The following GPC5 variants were observed in gnomAD, a reference collection of about 807,000 sequenced individuals.
The protein encoded by GPC5 is glypican-5.
In GPC5, 47 loss-of-function variants were observed where a neutral mutation model predicts 53.9. The observed-to-expected ratio is 0.87, with a 90% CI of 0.69 to 1.11. The LOEUF (loss-of-function observed/expected upper bound fraction) is 1.11. Ranked by LOEUF, GPC5 falls within the 50% of genes most tolerant of loss-of-function variation. The pLI, the probability that GPC5 is intolerant of heterozygous loss-of-function variation, is 0.00. For synonymous variants in GPC5, 286 were observed against 263.3 expected (o/e 1.09, Z -0.84); for missense variants, 748 against 713.1 (o/e 1.05, Z -0.56).
chr13:91,636,827 G>A (rs1253452111), intron 2 of GPC5, among the ~76,000 whole-genome samples: 1 of 152,094 alleles, frequency 6.6e-6, no homozygotes, highest in Non-Finnish European at 1.5e-5. Flanking sequence ...GCATGGTGGT[G>A]CGTGCCTGTA....
intron 7 of GPC5, among the ~76,000 whole-genome samples, chr13:92,661,270 G>T (rs1886332868): frequency 1.3e-5 from 2 of 151,332 alleles, no homozygotes; most frequent in Admixed American, 1.3e-4. Context: ...CTCTAACCTG[G>T]GCAACAGAAT....
intron 5 of GPC5, among the ~76,000 whole-genome samples, chr13:91,764,086 A>T (rs1419045232): frequency 6.6e-6 from 1 of 152,112 alleles, no homozygotes; most frequent in Non-Finnish European, 1.5e-5. Context: ...GAATCCTTGA[A>T]CACAGTTGAA....
At chr13:91,557,557 A>G (rs533003932) in intron 2 of GPC5, among the ~76,000 whole-genome samples, 1 of 152,224 alleles carries the variant, frequency 6.6e-6, no homozygotes, top group South Asian at 2.1e-4. Context: ...TGTTCAGGTG[A>G]CAGAGCAGAG....
intron 7 of GPC5, among the ~76,000 whole-genome samples, chr13:92,804,684 A>G (rs1197238057): frequency 6.6e-6 from 1 of 152,018 alleles, no homozygotes; most frequent in Non-Finnish European, 1.5e-5. Flanking sequence ...TGAGACAACA[A>G]TGAAGTCTGC....
intron 7 of GPC5, among the ~76,000 whole-genome samples, chr13:92,496,828 C>T (rs902657338): frequency 6.6e-6 from 1 of 152,108 alleles, no homozygotes; most frequent in African/African-American, 2.4e-5. Context: ...ATCTGATATC[C>T]CTTTGTTACT....
At chr13:92,283,973 A>G (rs1481028653) in intron 7 of GPC5, among the ~76,000 whole-genome samples, 2 of 152,208 alleles carry the variant, frequency 1.3e-5, no homozygotes, top group African/African-American at 4.8e-5. Flanking sequence ...TGAAAAGATC[A>G]ACAAAATTGA....
chr13:92,470,656 C>T (rs764650422), intron 7 of GPC5, among the ~76,000 whole-genome samples: 1 of 152,132 alleles, frequency 6.6e-6, no homozygotes, highest in African/African-American at 2.4e-5. Flanking sequence ...TGAGCAGTAG[C>T]TTTCTCATTG....
chr13:92,377,505 A>G (rs4771858), intron 7 of GPC5, among the ~76,000 whole-genome samples: 80,767 of 151,962 alleles, frequency 0.53, 21,650 homozygotes, highest in East Asian at 0.55. Context: ...TTTATTTTCA[A>G]TTGTTCAGCT....
At chr13:91,751,414 A>C (rs1212381838) in intron 4 of GPC5, among the ~76,000 whole-genome samples, 1 of 152,192 alleles carries the variant, frequency 6.6e-6, no homozygotes, top group African/African-American at 2.4e-5. Flanking sequence ...GAACAATAAC[A>C]TTGTGTTTCT....
At chr13:91,531,733 C>G (rs555340583) in intron 2 of GPC5, among the ~76,000 whole-genome samples, 60 of 152,236 alleles carry the variant, frequency 3.9e-4, no homozygotes, top group South Asian at 2.3e-3. Flanking sequence ...GAGAAGTGTA[C>G]TCTAAATAGG....
chr13:92,294,126 T>C (rs1290397288), intron 7 of GPC5, among the ~76,000 whole-genome samples: 1 of 152,324 alleles, frequency 6.6e-6, no homozygotes, highest in East Asian at 1.9e-4. Context: ...GCATCTGTGT[T>C]CATCAGGGAT....
intron 7 of GPC5, among the ~76,000 whole-genome samples, chr13:92,752,322 G>T (rs1163710788): frequency 6.6e-6 from 1 of 152,228 alleles, no homozygotes; most frequent in African/African-American, 2.4e-5. Context: ...GGGACAAAAT[G>T]CTCTGGTCCT....
At chr13:92,008,520 GTGTT>G (rs1378390714) in intron 6 of GPC5, among the ~76,000 whole-genome samples, 4 of 151,376 alleles carry the variant, frequency 2.6e-5, no homozygotes, top group East Asian at 1.9e-4. Context: ...CATTCTTTCA[GTGTT>G]TGTTTGACTA....
Position 92,139,761 on chromosome 13 carries a change from G to A in GPC5, c.1402-5069G>A, listed in dbSNP as rs887007246. Among the ~76,000 whole-genome samples, 3 of 151,290 alleles carry A rather than the reference G, an allele frequency of 2.0e-5. No homozygotes were observed. The East Asian group carries it at 5.8e-4, about 29-fold the overall frequency. On this transcript the variant is annotated intron_variant, in intron 6 of 7. Coordinates refer to ENST00000377067, the MANE Select transcript of GPC5 (RefSeq NM_004466.6). Reference sequence around the variant, plus strand: ...TCAGTTCATCTGCCAGTCAATAAGTGTAAAACCAAAGTTTTTCTAGAACAT... The same window carrying A: ...TCAGTTCATCTGCCAGTCAATAAGTATAAAACCAAAGTTTTTCTAGAACAT...
At chr13:92,214,795 GCAGGTGTC>G (rs1285995582) in intron 7 of GPC5, among the ~76,000 whole-genome samples, 1 of 152,210 alleles carries the variant, frequency 6.6e-6, no homozygotes, top group African/African-American at 2.4e-5. Flanking sequence ...TCTGCATTGT[GCAGGTGTC>G]CAATGCAGTC....
At position 92,136,040 on chromosome 13, in the gene GPC5, G is replaced by C. The variant is rs2041781582; in HGVS notation, c.1402-8790G>C. ...TGTTTGTAATCATGCTAATGGAAGA[G>C]GTGAGAGTTGGGTGGAGTGGCGTGT... On this transcript the variant is annotated intron_variant, in intron 6 of 7. Transcript: ENST00000377067. Among the ~76,000 whole-genome samples the C allele has an allele frequency of 1.3e-5, 2 of 152,180 alleles. 1 individual carries two copies. Among genetic ancestry groups the C allele is most frequent in the Non-Finnish European group, 2.9e-5 (2 of 68,028 alleles).
chr13:92,113,189 T>C (rs910670129), intron 6 of GPC5, among the ~76,000 whole-genome samples: 2 of 152,166 alleles, frequency 1.3e-5, no homozygotes, highest in Non-Finnish European at 2.9e-5. Context: ...AAAAGAATTT[T>C]TTTGTCTCCA....
intron 1 of GPC5, among the ~76,000 whole-genome samples, chr13:91,432,973 C>T (rs1483070099): frequency 6.6e-6 from 1 of 152,020 alleles, no homozygotes; most frequent in African/African-American, 2.4e-5. Flanking sequence ...GGAAAGGAGG[C>T]TAACACTTTA....
At chr13:91,627,756 C>G (rs2034045519) in intron 2 of GPC5, among the ~76,000 whole-genome samples, 1 of 152,000 alleles carries the variant, frequency 6.6e-6, no homozygotes, top group African/African-American at 2.4e-5. Context: ...ATAAAATGAC[C>G]AAGGACACAA....
Sources: gnomAD v4.1 joint callset for allele counts (sites outside exome capture counted in the v4.1 genomes callset) on GRCh38, gnomAD v4.1.1 for gene constraint, MANE v1.5 for transcripts, NCBI Gene and HGNC (gene_info 2026-07-23, HGNC 2026-07-21) for gene names.